The following NIBAN1 variants were observed in gnomAD, a reference collection of about 807,000 sequenced individuals.
NIBAN1 encodes niban apoptosis regulator 1.
A neutral mutation model predicts 75.1 loss-of-function variants in NIBAN1; 81 were observed. The observed-to-expected ratio is 1.08, with a 90% CI of 0.90 to 1.30. The LOEUF is 1.30. NIBAN1 is among the 50% of genes most tolerant of loss of function. The pLI, the probability that NIBAN1 is intolerant of heterozygous loss-of-function variation, is 0.00. For synonymous variants in NIBAN1, 436 were observed against 424.8 expected, an observed-to-expected ratio of 1.03 and a Z score of -0.32; for missense variants, 1,133 against 1,128.1, an observed-to-expected ratio of 1.00 and a Z score of -0.06.
In NIBAN1 at chr1:184,803,694, T is replaced by C. The variant is rs1348270322; in HGVS notation, c.1447-2A>G. 6.2e-7 allele frequency: 1 copy of C among 1,612,650 alleles called. No individual in the cohort carries two copies. The highest frequency in any genetic ancestry group is 2.2e-5 in the East Asian group (1 of 44,886). ...GGTGCTGCTGTCATAATCATATTGC[T>C]GTCAATAAAGAAACATATGTTAAAT... On this transcript the variant is annotated splice_acceptor_variant, in intron 11 of 13. Coordinates refer to ENST00000367511, the MANE Select transcript of NIBAN1 (RefSeq NM_052966.4). LOFTEE classifies it high-confidence loss of function.
chr1:184,888,344 A>G (rs369613327), intron 4 of NIBAN1, among the ~76,000 whole-genome samples: 1 of 152,198 alleles, frequency 6.6e-6, no homozygotes, highest in African/African-American at 2.4e-5. Flanking sequence ...ACATGGTTCT[A>G]TCAAACAATC....
chr1:184,839,381 G>A (rs963050049), intron 5 of NIBAN1, among the ~76,000 whole-genome samples: 2 of 151,946 alleles, frequency 1.3e-5, no homozygotes, highest in African/African-American at 4.8e-5. Flanking sequence ...TTTCTCACAT[G>A]CTGTTATAAG....
At chr1:184,831,367 C>T (rs1654995253) in intron 6 of NIBAN1, among the ~76,000 whole-genome samples, 1 of 152,174 alleles carries the variant, frequency 6.6e-6, no homozygotes, top group South Asian at 2.1e-4. Context: ...TCCCCAACTG[C>T]ACTTCACTTG....
At chr1:184,925,573 T>C (rs2102024422) in intron 1 of NIBAN1, among the ~76,000 whole-genome samples, 1 of 152,214 alleles carries the variant, frequency 6.6e-6, no homozygotes, top group Admixed American at 6.5e-5. Flanking sequence ...TTTTTTTGTT[T>C]GTTATATGAT....
chr1:184,871,802 T>C (rs1354183850), intron 5 of NIBAN1, among the ~76,000 whole-genome samples: 1 of 152,156 alleles, frequency 6.6e-6, no homozygotes, highest in East Asian at 1.9e-4. Context: ...CTTAGCCCAT[T>C]CTAAGGAAAA....
intron 5 of NIBAN1, among the ~76,000 whole-genome samples, chr1:184,856,812 A>G (rs677953): frequency 0.38 from 58,369 of 152,090 alleles, 11,952 homozygotes; most frequent in South Asian, 0.52. Context: ...AGTGTTTGGC[A>G]AAAGAAGGCA....
intron 5 of NIBAN1, among the ~76,000 whole-genome samples, chr1:184,873,693 A>G (rs1239397267): frequency 6.6e-6 from 1 of 152,184 alleles, no homozygotes. Flanking sequence ...TACTTTTGTT[A>G]AATTGGTATA....
intron 1 of NIBAN1, among the ~76,000 whole-genome samples, chr1:184,930,627 C>T (rs7524825): frequency 1.3e-5 from 2 of 151,980 alleles, no homozygotes; most frequent in African/African-American, 2.4e-5. Flanking sequence ...GAAAATCATA[C>T]GACACCCATT....
At chr1:184,964,370 T>C (rs1414964663) in intron 1 of NIBAN1, among the ~76,000 whole-genome samples, 5 of 152,200 alleles carry the variant, frequency 3.3e-5, no homozygotes, top group Admixed American at 3.3e-4. Context: ...AGAAAAAGCA[T>C]GCACAGAGAA....
chr1:184,870,221 T>C (rs535654210), intron 5 of NIBAN1, among the ~76,000 whole-genome samples: 1 of 152,270 alleles, frequency 6.6e-6, no homozygotes, highest in Non-Finnish European at 1.5e-5. Flanking sequence ...CTTAAATGAG[T>C]AATATCTTCT....
At chr1:184,925,499 TTCC>T (rs1353698432) in intron 1 of NIBAN1, among the ~76,000 whole-genome samples, 1 of 152,136 alleles carries the variant, frequency 6.6e-6, no homozygotes, top group African/African-American at 2.4e-5. Context: ...CTTTTCTGCC[TTCC>T]TGCCATTTTA....
At chr1:184,845,193 C>T (rs982744024) in intron 5 of NIBAN1, among the ~76,000 whole-genome samples, 5 of 152,174 alleles carry the variant, frequency 3.3e-5, no homozygotes, top group African/African-American at 1.2e-4. Flanking sequence ...CATGAGTTGT[C>T]TCACTAAGGG....
intron 5 of NIBAN1, among the ~76,000 whole-genome samples, chr1:184,863,404 G>T (rs1163048906): frequency 1.3e-5 from 2 of 152,322 alleles, no homozygotes; most frequent in East Asian, 1.9e-4. Flanking sequence ...GAAGATGCAT[G>T]TAATAGATGC....
intron 1 of NIBAN1, among the ~76,000 whole-genome samples, chr1:184,914,389 C>T (rs565765256): frequency 1.3e-5 from 2 of 152,276 alleles, no homozygotes; most frequent in East Asian, 3.9e-4. Flanking sequence ...GCAAAAACAT[C>T]ACATGCTAAC....
chr1:184,845,533 G>A (rs116897291), intron 5 of NIBAN1, among the ~76,000 whole-genome samples: 11 of 152,196 alleles, frequency 7.2e-5, no homozygotes, highest in Admixed American at 5.9e-4. Flanking sequence ...GGCCAAGGAG[G>A]ATTGCTTGAG....
chr1:184,969,012 T>C (rs1658869240), intron 1 of NIBAN1, among the ~76,000 whole-genome samples: 1 of 152,198 alleles, frequency 6.6e-6, no homozygotes, highest in Non-Finnish European at 1.5e-5. Flanking sequence ...ACGAAGATGG[T>C]CATACCCTTC....
chr1:184,913,525 T>C (rs1021719703), intron 1 of NIBAN1, among the ~76,000 whole-genome samples: 6 of 152,166 alleles, frequency 3.9e-5, no homozygotes, highest in African/African-American at 4.8e-5. Flanking sequence ...GTTGGAATGT[T>C]TATTGTATAG....
At chr1:184,923,073 A>G (rs1372696853) in intron 1 of NIBAN1, among the ~76,000 whole-genome samples, 1 of 152,102 alleles carries the variant, frequency 6.6e-6, no homozygotes, top group Non-Finnish European at 1.5e-5. Context: ...ACTTGATGGG[A>G]TCCCATTTGT....
intron 6 of NIBAN1, among the ~76,000 whole-genome samples, chr1:184,826,223 G>A (rs1247166095): frequency 6.6e-6 from 1 of 152,186 alleles, no homozygotes; most frequent in Non-Finnish European, 1.5e-5. Flanking sequence ...CAAAAGTTAT[G>A]ATGGGGACAG....
Sources: gnomAD v4.1 joint callset for allele counts (sites outside exome capture counted in the v4.1 genomes callset) on GRCh38, gnomAD v4.1.1 for gene constraint, MANE v1.5 for transcripts, NCBI Gene and HGNC (gene_info 2026-07-23, HGNC 2026-07-21) for gene names.